Variants in TSPAN8 observed in about 807,000 individuals in gnomAD.
TSPAN8 encodes tetraspanin 8.
TSPAN8 carries 21 observed loss-of-function variants against 32.8 expected under a neutral mutation model. The observed-to-expected ratio is 0.64, with a 90% CI of 0.45 to 0.92. TSPAN8 has a LOEUF of 0.92. Ranked by LOEUF, TSPAN8 falls within the 40% of genes least tolerant of loss-of-function variation. The pLI is 0.00. For synonymous variants in TSPAN8, 95 were observed against 94.6 expected, an observed-to-expected ratio of 1.00 and a Z score of -0.03; for missense variants, 269 against 281.9, an observed-to-expected ratio of 0.95 and a Z score of 0.33.
chr12:71,132,236 G>T (rs1373744622), intron 7 of TSPAN8, among the ~76,000 whole-genome samples: 3 of 152,190 alleles, frequency 2.0e-5, no homozygotes, highest in Admixed American at 6.5e-5. Flanking sequence ...ATTTGGGAAG[G>T]ACTTGGAGTC....
chr12:71,138,353 CT>C, intron 4 of TSPAN8, 123 bp from the exon 5 acceptor site: 2 of 946,126 alleles, frequency 2.1e-6, no homozygotes, highest in African/African-American at 1.6e-5. Context: ...CAGTCACACT[CT>C]TCATTTATTC....
intron 2 of TSPAN8, among the ~76,000 whole-genome samples, chr12:71,154,311 AAATAAT>A (rs58976021): frequency 0.22 from 29,954 of 137,068 alleles, 3,935 homozygotes; most frequent in Non-Finnish European, 0.3. Flanking sequence ...CTCTGTCTCA[AAATAAT>A]AATAATAATA....
rs1045112179 is a variant in TSPAN8, at chr12:71,132,636, A to G, written c.576+57T>C. ...ATTTTAATTTTTTGTAGGGACTTTA[A>G]TTGTGAAAAGAAAGTAACAGAATTG... is the stretch of plus-strand genomic sequence containing the variant. On this transcript the variant is annotated intron_variant, in intron 7 of 8. Coordinates refer to ENST00000247829, the MANE Select transcript of TSPAN8 (RefSeq NM_004616.3). The G allele has an allele frequency of 9.2e-5, 146 of 1,584,730 alleles. No individual in the cohort carries two copies. In the African/African-American group the frequency reaches 1.8e-3, roughly 20 times the overall value.
At chr12:71,134,160 A>G (rs561060740) in intron 6 of TSPAN8, among the ~76,000 whole-genome samples, 156 of 152,342 alleles carry the variant, frequency 1.0e-3, no homozygotes, top group Non-Finnish European at 1.9e-3. Context: ...GATTTATCAT[A>G]AAGATAAACA....
Position 71,125,391 on chromosome 12 carries a change from G to A in TSPAN8, c.661-4C>T, listed in dbSNP as rs751615396. On this transcript the variant is annotated splice_region_variant and splice_polypyrimidine_tract_variant and intron_variant, in intron 8 of 8. Transcript: ENST00000247829. ...TAGAAAACACCAAACCCAGTATCTA[G>A]AGAACAAAATAACAGGATTAACATG... 3 of 1,609,938 alleles carry A rather than the reference G, an allele frequency of 1.9e-6. No homozygotes were observed. The South Asian group carries it at 3.3e-5, about 18-fold the overall frequency.
chr12:71,138,223 A>G lies in TSPAN8; in HGVS notation c.269T>C (p.Ile90Thr), dbSNP rs952846313. The G allele has an allele frequency of 5.6e-6, 9 of 1,613,488 alleles. No homozygotes were observed. The highest frequency in any genetic ancestry group is 6.8e-6 in the Non-Finnish European group (8 of 1,179,830). The change falls in exon 5 of 9, where the codon ATA becomes ACA. Residue 90 changes from isoleucine (I) to threonine (T), a missense_variant. By Grantham distance (89) the Ile-to-Thr change is moderately conservative. Transcript: ENST00000247829. Reference protein sequence around the residue: ...ESRCMLLLFFIGLLLILLLQV... With the variant: ...ESRCMLLLFFTGLLLILLLQV... ...CAGGAGCAGGATCAGAAGCAAGCCTATGAAAAACTGAAGAAGAGAAAAAGA... is the reference window on the plus strand; with the variant it reads ...CAGGAGCAGGATCAGAAGCAAGCCTGTGAAAAACTGAAGAAGAGAAAAAGA...
At chr12:71,149,210 C>T (rs182884090) in intron 2 of TSPAN8, among the ~76,000 whole-genome samples, 4 of 151,832 alleles carry the variant, frequency 2.6e-5, no homozygotes. Flanking sequence ...ACTAAAAATA[C>T]CAAAAAAATT....
At chr12:71,143,530 C>A (rs1402360397) in intron 3 of TSPAN8, among the ~76,000 whole-genome samples, 2 of 152,124 alleles carry the variant, frequency 1.3e-5, no homozygotes, top group African/African-American at 4.8e-5. Flanking sequence ...GGGTCATGTT[C>A]ATCTTATACA....
chr12:71,137,999 TC>T lies in TSPAN8; in HGVS notation c.397del (p.Glu133LysfsTer10). 1 of 1,613,818 alleles carries T rather than the reference TC, an allele frequency of 6.2e-7. No homozygotes were observed. The highest frequency in any genetic ancestry group is 8.5e-7 in the Non-Finnish European group (1 of 1,179,948). ...GGCTTCCTGGAATTGTTTTTCACTTTCCCCTGTGGCGCTCAAAAGCTTTGTG... is the reference window on the plus strand; with the variant it reads ...GGCTTCCTGGAATTGTTTTTCACTTTCCCTGTGGCGCTCAAAAGCTTTGTG... Reference protein sequence around the residue: ...ENTKLLSATGESEKQFQEAII... With the variant: ...ENTKLLSATGXSEKQFQEAII... On this transcript the variant is annotated frameshift_variant, in exon 6 of 9. Coordinates refer to ENST00000247829, the MANE Select transcript of TSPAN8 (RefSeq NM_004616.3). LOFTEE classifies it high-confidence loss of function.
Position 71,146,338 on chromosome 12 carries a change from C to T in TSPAN8, c.61-2125G>A, listed in dbSNP as rs1872078591. ...GAGAAATTCCCATGTAAATATCAGT[C>T]TAATATCATGAAATTATTCGTAACT... On this transcript the variant is annotated intron_variant, in intron 2 of 8. Transcript: ENST00000247829. 2.6e-5 allele frequency among the ~76,000 whole-genome samples: 4 copies of T among 152,072 alleles called. No individual in the cohort carries two copies. The South Asian group carries it at 8.3e-4, about 31-fold the overall frequency.
chr12:71,136,830 T>A (rs1438536061), intron 6 of TSPAN8, among the ~76,000 whole-genome samples: 2 of 152,152 alleles, frequency 1.3e-5, no homozygotes, highest in Middle Eastern at 3.2e-3. Context: ...ATCTGTAAAA[T>A]AGGGTTAATG....
rs1385552090 is a variant in TSPAN8 at position 71,139,426 on chromosome 12, A to AT, written c.261+284dup. 2.0e-5 allele frequency among the ~76,000 whole-genome samples: 3 copies of AT among 152,238 alleles called. No individual in the cohort carries two copies. The East Asian group carries it at 5.8e-4, about 29-fold the overall frequency. Reference sequence around the variant, plus strand: ...GTAGGTTCTAAAGGTCTTATGTATTATTTCGCACAATATCTGACACATAGA... The same window carrying AT: ...GTAGGTTCTAAAGGTCTTATGTATTATTTTCGCACAATATCTGACACATAGA... On this transcript the variant is annotated intron_variant, in intron 4 of 8. Transcript: ENST00000247829.
At chr12:71,137,625 G>GAGAA (rs1871746834) in intron 6 of TSPAN8, among the ~76,000 whole-genome samples, 1 of 152,010 alleles carries the variant, frequency 6.6e-6, no homozygotes, top group African/African-American at 2.4e-5. Context: ...GGGAGAGAGA[G>GAGAA]AGAAAGAGAG....
At chr12:71,144,104 G>A (rs1250560064) in intron 3 of TSPAN8, 47 bp downstream of exon 3, 1 of 1,527,008 alleles carries the variant, frequency 6.5e-7, no homozygotes, top group East Asian at 2.3e-5. Flanking sequence ...TATTATAAAT[G>A]AAATAAACTA....
rs1871836969 is a variant in TSPAN8 at position 71,139,740 on chromosome 12, T to C, written c.232A>G (p.Ile78Val). 1.9e-6 allele frequency: 3 copies of C among 1,613,884 alleles called. No individual in the cohort carries two copies. Among genetic ancestry groups the C allele is most frequent in the Non-Finnish European group, 1.7e-6 (2 of 1,179,846 alleles). Residue 78 changes from isoleucine (I) to valine (V), a missense_variant, in exon 4 of 9, where the codon ATA becomes GTA. Coordinates refer to ENST00000247829, the MANE Select transcript of TSPAN8 (RefSeq NM_004616.3). The part of the protein sequence containing the change: ...ILGFLGCCGA[I>V]KESRCMLLLF... Reference sequence around the variant, plus strand: ...AGAAGCATGCAGCGACTTTCTTTTATAGCACCGCAGCATCCCAGGAAGCCC... The same window carrying C: ...AGAAGCATGCAGCGACTTTCTTTTACAGCACCGCAGCATCCCAGGAAGCCC...
At position 71,125,307 on chromosome 12, in the gene TSPAN8, T is replaced by G. The variant is rs1592396140; in HGVS notation, c.*27A>C. 6.2e-7 allele frequency: 1 copy of G among 1,602,032 alleles called. No homozygotes were observed. The highest frequency in any genetic ancestry group is 2.2e-5 in the East Asian group (1 of 44,796). ...AAGCAACATTTTAAAGGGGTTTGAC[T>G]GACGATAGGTTGATGCATCCACAGA... is the stretch of plus-strand genomic sequence containing the variant. On this transcript the variant is annotated 3_prime_UTR_variant, in exon 9 of 9. Coordinates refer to ENST00000247829, the MANE Select transcript of TSPAN8 (RefSeq NM_004616.3).
chr12:71,147,041 C>T lies in TSPAN8; in HGVS notation c.61-2828G>A, dbSNP rs144306743. 6.6e-3 allele frequency among the ~76,000 whole-genome samples: 1,006 copies of T among 152,136 alleles called. 12 individuals carry two copies. Among genetic ancestry groups the T allele is most frequent in the African/African-American group, 0.023 (940 of 41,510 alleles). The stretch of plus-strand genomic sequence containing the variant: ...ATGGCCACAGAAAGAGGGTCCTCAC[C>T]GGAAACTCAGTTGGCTGGCACCTTA... On this transcript the variant is annotated intron_variant, in intron 2 of 8. Coordinates refer to ENST00000247829, the MANE Select transcript of TSPAN8 (RefSeq NM_004616.3).
chr12:71,144,351 T>C lies in TSPAN8; in HGVS notation c.61-138A>G, dbSNP rs1052192154. 34 of 658,864 alleles carry C rather than the reference T, an allele frequency of 5.2e-5. No individual in the cohort carries two copies. The South Asian group carries it at 6.4e-4, about 12-fold the overall frequency. The allele number at this position is 658,864 out of a possible 1,614,324, so 40.8% of individuals were successfully genotyped here. A position where few individuals can be genotyped will look rare whatever the true frequency, so the allele number is the denominator to read the frequency against. ...CAACCTGGAAGACATAAATGAGGCA[T>C]ATTCATATACAGATCATTGTTGAAA... On this transcript the variant is annotated intron_variant, in intron 2 of 8. Transcript: ENST00000247829.
intron 6 of TSPAN8, among the ~76,000 whole-genome samples, chr12:71,136,745 G>A (rs1166114730): frequency 6.6e-6 from 1 of 152,104 alleles, no homozygotes; most frequent in Non-Finnish European, 1.5e-5. Flanking sequence ...ATAACAGACT[G>A]GTCAGACAGA....
Sources: gnomAD v4.1 joint callset for allele counts (sites outside exome capture counted in the v4.1 genomes callset) on GRCh38, gnomAD v4.1.1 for gene constraint, MANE v1.5 for transcripts, NCBI Gene and HGNC (gene_info 2026-07-23, HGNC 2026-07-21) for gene names.